GHR: variants seen among roughly 807,000 people sequenced by gnomAD.
The protein encoded by GHR is growth hormone receptor.
GHR carries 35 observed loss-of-function variants against 67.1 expected under a neutral mutation model. The ratio of observed to expected loss-of-function variants is 0.52; its 90% CI spans 0.40 to 0.69. The LOEUF (loss-of-function observed/expected upper bound fraction) is 0.69. Ranked by LOEUF, GHR falls within the 30% of genes least tolerant of loss-of-function variation. The pLI, the probability that GHR is intolerant of heterozygous loss-of-function variation, is 0.00. For synonymous variants in GHR, 272 were observed against 269.1 expected (o/e 1.01, Z -0.10); for missense variants, 792 against 764.6 (o/e 1.04, Z -0.42).
In GHR at chr5:42,568,445, C is replaced by T. The variant is rs145523878; in HGVS notation, c.70+2501C>T. 2.0e-3 allele frequency among the ~76,000 whole-genome samples: 307 copies of T among 152,284 alleles called. 1 individual carries two copies. Among genetic ancestry groups the T allele is most frequent in the Non-Finnish European group, 3.7e-3 (255 of 68,016 alleles). ...TTATTCCAAAATCAGGAATGATCCA[C>T]AATGCCTTGTTTTCAAAGGGCTTCA... On this transcript the variant is annotated intron_variant, in intron 2 of 9. Transcript: ENST00000230882.
chr5:42,626,883 G>A lies in GHR; in HGVS notation c.71-2155G>A, dbSNP rs372020994. 3.7e-4 allele frequency among the ~76,000 whole-genome samples: 57 copies of A among 152,298 alleles called. 1 individual carries two copies. In the East Asian group the frequency reaches 6.0e-3, roughly 16 times the overall value. On this transcript the variant is annotated intron_variant, in intron 2 of 9. Transcript: ENST00000230882. The stretch of plus-strand genomic sequence containing the variant: ...TAACTTAGAGGTAACGTGATCAGAT[G>A]TGGGGAATTCTGGAGAAACACCTTT...
At chr5:42,587,070 AT>A (rs1209624514) in intron 2 of GHR, among the ~76,000 whole-genome samples, 6 of 149,254 alleles carry the variant, frequency 4.0e-5, no homozygotes, top group African/African-American at 9.8e-5. Flanking sequence ...AGCTGGGCTT[AT>A]TTTTTCTTAT....
Position 42,695,204 on chromosome 5 carries a change from C to A in GHR, c.439+115C>A, listed in dbSNP as rs35962304. 1.0e-4 allele frequency: 77 copies of A among 756,816 alleles called. No homozygotes were observed. The African/African-American group carries it at 1.3e-3, about 13-fold the overall frequency. The allele number at this position is 756,816 out of a possible 1,614,324, so 46.9% of individuals were successfully genotyped here. A position where few individuals can be genotyped will look rare whatever the true frequency, so the allele number is the denominator to read the frequency against. On this transcript the variant is annotated intron_variant, in intron 5 of 9. Transcript: ENST00000230882. The stretch of plus-strand genomic sequence containing the variant: ...ACTTTGTAACAGTGTTCTATAGATA[C>A]ATGGAGATCTGTTTTACAGGAGATG...
At chr5:42,713,846 C>CA (rs1758589290) in intron 8 of GHR, 2 of 299,876 alleles carry the variant, frequency 6.7e-6, no homozygotes, top group Admixed American at 4.6e-5. Flanking sequence ...CAAGTTGACC[C>CA]ATTCATTCCA....
At chr5:42,499,361 C>A (rs1246593584) in intron 1 of GHR, among the ~76,000 whole-genome samples, 2 of 152,172 alleles carry the variant, frequency 1.3e-5, no homozygotes, top group African/African-American at 4.8e-5. Flanking sequence ...TTCCAGTCAC[C>A]ATTCCCTGTG....
At chr5:42,658,741 T>G (rs772567836) in intron 3 of GHR, among the ~76,000 whole-genome samples, 3 of 151,974 alleles carry the variant, frequency 2.0e-5, no homozygotes, top group Non-Finnish European at 2.9e-5. Flanking sequence ...AGGTAGAGAG[T>G]AGGAATGATG....
intron 1 of GHR, among the ~76,000 whole-genome samples, chr5:42,507,951 AGAGGAAGACC>A (rs1264698138): frequency 1.3e-5 from 2 of 152,244 alleles, no homozygotes. Context: ...AGTGCAGAGC[AGAGGAAGACC>A]TGGAATGGAT....
intron 1 of GHR, among the ~76,000 whole-genome samples, chr5:42,504,978 G>T (rs1746698794): frequency 6.6e-6 from 1 of 152,122 alleles, no homozygotes; most frequent in Non-Finnish European, 1.5e-5. Flanking sequence ...CCAGATTTTT[G>T]AATGCTTAAC....
chr5:42,671,330 C>G (rs1756284278), intron 3 of GHR, among the ~76,000 whole-genome samples: 1 of 151,972 alleles, frequency 6.6e-6, no homozygotes, highest in Non-Finnish European at 1.5e-5. Context: ...CACACTTAAA[C>G]AATCAGGTCT....
chr5:42,582,047 C>T (rs543201668), intron 2 of GHR, among the ~76,000 whole-genome samples: 1 of 152,362 alleles, frequency 6.6e-6, no homozygotes, highest in Admixed American at 6.5e-5. Flanking sequence ...ACACCAGCCC[C>T]CTGGCACATA....
At chr5:42,612,851 C>A (rs1404317713) in intron 2 of GHR, among the ~76,000 whole-genome samples, 1 of 152,030 alleles carries the variant, frequency 6.6e-6, no homozygotes, top group Non-Finnish European at 1.5e-5. Context: ...CCCTCACAAA[C>A]AGTGTTGTTT....
intron 1 of GHR, among the ~76,000 whole-genome samples, chr5:42,558,915 G>A (rs369166332): frequency 6.6e-6 from 1 of 152,134 alleles, no homozygotes; most frequent in East Asian, 1.9e-4. Flanking sequence ...TGTAGTCAAC[G>A]TGAACATTAT....
intron 2 of GHR, among the ~76,000 whole-genome samples, chr5:42,627,638 T>A (rs1300480355): frequency 1.3e-5 from 2 of 152,258 alleles, no homozygotes; most frequent in Non-Finnish European, 2.9e-5. Context: ...GTTGCCCCAC[T>A]GCTCAAACCC....
Position 42,541,427 on chromosome 5 carries a change from C to A in GHR, c.-11-24437C>A, listed in dbSNP as rs532186468. ...GGCCAGTTTGTTGGAGCAGGATGAG[C>A]AAGAAGAACGTAGTGGTAAATGGAG... On this transcript the variant is annotated intron_variant, in intron 1 of 9. Transcript: ENST00000230882. Among the ~76,000 whole-genome samples the A allele has an allele frequency of 7.9e-5, 12 of 152,010 alleles. No homozygotes were observed. In the East Asian group the frequency reaches 2.3e-3, roughly 29 times the overall value.
In GHR at chr5:42,629,069, G is replaced by C. The variant is rs121909370; in HGVS notation, c.102G>C (p.Trp34Cys). 14 of 1,417,426 alleles carry C rather than the reference G, an allele frequency of 9.9e-6. 1 individual carries two copies. Among genetic ancestry groups the C allele is most frequent in the Admixed American group, 3.6e-5 (2 of 55,976 alleles). The allele number at this position is 1,417,426 out of a possible 1,614,324, so 87.8% of individuals were successfully genotyped here. ...CAGCTATCCTTAGCAGAGCACCCTG[G>C]AGTCTGCAAAGTGTTAATCCAGGCC... is the stretch of plus-strand genomic sequence containing the variant. ...ATAAILSRAP[W>C]SLQSVNPGLK... Residue 34 changes from tryptophan (W) to cysteine (C), a missense_variant, in exon 3 of 10, where the codon TGG becomes TGC. By Grantham distance (215) the Trp-to-Cys change is radical. Transcript: ENST00000230882.
At chr5:42,640,618 T>C (rs957923577) in intron 3 of GHR, among the ~76,000 whole-genome samples, 1 of 152,134 alleles carries the variant, frequency 6.6e-6, no homozygotes, top group African/African-American at 2.4e-5. Context: ...ATCCTTCATC[T>C]AGGTAGCGTA....
At chr5:42,574,539 G>T (rs1160295477) in intron 2 of GHR, among the ~76,000 whole-genome samples, 3 of 152,152 alleles carry the variant, frequency 2.0e-5, no homozygotes, top group African/African-American at 7.2e-5. Flanking sequence ...GGCCATATTT[G>T]CTTGACAAAC....
chr5:42,537,544 T>C (rs1209344336), intron 1 of GHR, among the ~76,000 whole-genome samples: 1 of 152,218 alleles, frequency 6.6e-6, no homozygotes, highest in East Asian at 1.9e-4. Context: ...TTCAATTTTC[T>C]TAAATTTATT....
At chr5:42,562,624 T>A (rs927016690) in intron 1 of GHR, among the ~76,000 whole-genome samples, 2 of 151,246 alleles carry the variant, frequency 1.3e-5, no homozygotes, top group African/African-American at 2.4e-5. Context: ...GTTCAGCTTG[T>A]AAAGGAAGTG....
Sources: allele counts gnomAD v4.1 joint callset (sites outside exome capture counted in the v4.1 genomes callset), GRCh38; gene constraint gnomAD v4.1.1; transcripts MANE v1.5; gene names NCBI Gene and HGNC (gene_info 2026-07-23, HGNC 2026-07-21).